The following SLC25A21 variants were observed in gnomAD, a reference collection of about 807,000 sequenced individuals.
The protein encoded by SLC25A21 is solute carrier family 25 member 21.
Under a neutral mutation model 43.8 loss-of-function variants are expected in SLC25A21, and 47 were observed. The ratio of observed to expected loss-of-function variants is 1.07; its 90% confidence interval spans 0.85 to 1.37. SLC25A21 has a LOEUF of 1.37. SLC25A21 is among the 40% of genes most tolerant of loss of function. SLC25A21 has a pLI of 0.00. For missense variants in SLC25A21, 352 were observed against 350.2 expected, an observed-to-expected ratio of 1.00 and a Z score of -0.04; for synonymous variants, 131 against 121.3, an observed-to-expected ratio of 1.08 and a Z score of -0.52.
chr14:36,680,908 T>A (rs536695644), intron 9 of SLC25A21, among the ~76,000 whole-genome samples, 189 bp from the exon 10 acceptor site: 102 of 152,310 alleles, frequency 6.7e-4, no homozygotes, highest in Non-Finnish European at 6.9e-4. Flanking sequence ...ATCAAGACCA[T>A]CTTGAGTCTC....
intron 1 of SLC25A21, among the ~76,000 whole-genome samples, chr14:37,019,010 T>C (rs756824719): frequency 3.3e-5 from 5 of 152,016 alleles, no homozygotes; most frequent in African/African-American, 7.2e-5. Flanking sequence ...TCCTCTGCAA[T>C]TGCATCCTTG....
At chr14:37,061,287 C>A (rs1961943541) in intron 1 of SLC25A21, among the ~76,000 whole-genome samples, 3 of 152,172 alleles carry the variant, frequency 2.0e-5, no homozygotes, top group Admixed American at 1.3e-4. Context: ...CAACTGGTCC[C>A]AAGCAACAGC....
chr14:37,084,075 T>A (rs1962438649), intron 1 of SLC25A21, among the ~76,000 whole-genome samples: 2 of 152,180 alleles, frequency 1.3e-5, no homozygotes, highest in African/African-American at 2.4e-5. Flanking sequence ...TTATTAACAC[T>A]GGTCTCTTTC....
At chr14:36,761,790 T>C (rs773210370) in intron 3 of SLC25A21, among the ~76,000 whole-genome samples, 6 of 152,236 alleles carry the variant, frequency 3.9e-5, no homozygotes, top group East Asian at 3.8e-4. Flanking sequence ...GATATGCATA[T>C]TGACGTATAA....
intron 3 of SLC25A21, among the ~76,000 whole-genome samples, chr14:36,789,012 GA>G (rs375936934): frequency 6.6e-6 from 1 of 151,950 alleles, no homozygotes; most frequent in Non-Finnish European, 1.5e-5. Context: ...AGATTTCCCA[GA>G]AAAAAACATA....
At chr14:37,005,377 T>A (rs1960579134) in intron 1 of SLC25A21, among the ~76,000 whole-genome samples, 1 of 152,192 alleles carries the variant, frequency 6.6e-6, no homozygotes, top group African/African-American at 2.4e-5. Context: ...GTAGCCAATG[T>A]GCCATCTTGT....
rs1885365744 is a variant in SLC25A21 at position 36,743,581 on chromosome 14, T to G, written c.204-9008A>C. ...GACACACCCACAGCCAACAGCATAC[T>G]GGATGGGGAAAAGCTGAAAGCATTT... is the stretch of plus-strand genomic sequence containing the variant. On this transcript the variant is annotated intron_variant, in intron 3 of 9. Transcript: ENST00000331299. Among the ~76,000 whole-genome samples, 3 of 151,960 alleles carry G rather than the reference T, an allele frequency of 2.0e-5. No homozygotes were observed. The South Asian group carries it at 6.2e-4, about 32-fold the overall frequency.
intron 1 of SLC25A21, among the ~76,000 whole-genome samples, chr14:37,162,723 G>T (rs1428974033): frequency 6.6e-6 from 1 of 152,206 alleles, no homozygotes; most frequent in African/African-American, 2.4e-5. Flanking sequence ...CACTGTGGAA[G>T]TCAGTGTGGC....
At chr14:36,918,099 A>G (rs1274739923) in intron 1 of SLC25A21, among the ~76,000 whole-genome samples, 1 of 152,168 alleles carries the variant, frequency 6.6e-6, no homozygotes, top group Non-Finnish European at 1.5e-5. Flanking sequence ...ATGCAGATGA[A>G]TGCTCTCTAA....
chr14:37,082,204 T>C (rs954614139), intron 1 of SLC25A21, among the ~76,000 whole-genome samples: 1 of 152,052 alleles, frequency 6.6e-6, no homozygotes, highest in Admixed American at 6.6e-5. Context: ...GACATAAATA[T>C]AGGAACAACA....
At chr14:36,933,432 G>A (rs1337432010) in intron 1 of SLC25A21, among the ~76,000 whole-genome samples, 1 of 152,074 alleles carries the variant, frequency 6.6e-6, no homozygotes, top group Non-Finnish European at 1.5e-5. Flanking sequence ...ATGCATGCCG[G>A]CTTCAACAGC....
chr14:36,847,165 T>C (rs1443265003), intron 2 of SLC25A21, among the ~76,000 whole-genome samples: 1 of 152,234 alleles, frequency 6.6e-6, no homozygotes, highest in African/African-American at 2.4e-5. Flanking sequence ...TTCTGAAACA[T>C]ATCTGTCCCC....
chr14:37,063,298 A>G lies in SLC25A21; in HGVS notation c.70+108983T>C, dbSNP rs898919121. On this transcript the variant is annotated intron_variant, in intron 1 of 9. Coordinates refer to ENST00000331299, the MANE Select transcript of SLC25A21 (RefSeq NM_030631.4). ...GTGGATCACTTGAGGTCAGGAGTTC[A>G]AGACCAGCCTGATGAACATGGTGAA... is the stretch of plus-strand genomic sequence containing the variant. Among the ~76,000 whole-genome samples, 16 of 152,166 alleles carry G rather than the reference A, an allele frequency of 1.1e-4. 1 individual carries two copies. Among genetic ancestry groups the G allele is most frequent in the Admixed American group, 9.2e-4 (14 of 15,280 alleles).
rs76085976 is a variant in SLC25A21 at position 36,729,364 on chromosome 14, T to C, written c.330+143A>G. Reference sequence around the variant, plus strand: ...GCCAAATTGTGAGTTATTAGGAAGATGGCTTTCAACAAGTAGCTGAACACT... The same window carrying C: ...GCCAAATTGTGAGTTATTAGGAAGACGGCTTTCAACAAGTAGCTGAACACT... On this transcript the variant is annotated intron_variant, in intron 5 of 9. Transcript: ENST00000331299. The C allele has an allele frequency of 7.8e-4, 464 of 593,366 alleles. 2 individuals carry two copies. The African/African-American group carries it at 8.3e-3, about 11-fold the overall frequency. 36.8% of individuals were successfully genotyped at this position (593,366 alleles called of 1,614,324 possible).
At chr14:36,897,900 G>T in intron 1 of SLC25A21, among the ~76,000 whole-genome samples, 1 of 152,260 alleles carries the variant, frequency 6.6e-6, no homozygotes. Context: ...TGGAAGTTTT[G>T]TCTCAGAGGA....
chr14:36,680,720 C>A lies in SLC25A21; in HGVS notation c.839-1G>T. The A allele has an allele frequency of 6.2e-7, 1 of 1,611,578 alleles. No homozygotes were observed. Among genetic ancestry groups the A allele is most frequent in the Non-Finnish European group, 8.5e-7 (1 of 1,179,180 alleles). On this transcript the variant is annotated splice_acceptor_variant, in intron 9 of 9. Transcript: ENST00000331299. LOFTEE classifies it high-confidence loss of function. ...TAAACCAGCAGCATCACTGCACCAC[C>A]TAGAAAAGAAAAGAGCTGTTTTTTA... is the stretch of plus-strand genomic sequence containing the variant.
At chr14:36,710,191 C>T (rs1174627415) in intron 7 of SLC25A21, among the ~76,000 whole-genome samples, 1 of 151,810 alleles carries the variant, frequency 6.6e-6, no homozygotes, top group Admixed American at 6.6e-5. Flanking sequence ...TTGAGACCAG[C>T]CTGGTCATCA....
chr14:36,737,592 C>G (rs1222538014), intron 3 of SLC25A21, among the ~76,000 whole-genome samples: 3 of 152,148 alleles, frequency 2.0e-5, no homozygotes, highest in African/African-American at 7.2e-5. Flanking sequence ...TACCGTATAT[C>G]CATGCAATAG....
chr14:37,108,778 G>A lies in SLC25A21; in HGVS notation c.70+63503C>T, dbSNP rs561995092. Among the ~76,000 whole-genome samples, 15 of 150,848 alleles carry A rather than the reference G, an allele frequency of 9.9e-5. No homozygotes were observed. In the East Asian group the frequency reaches 2.9e-3, roughly 29 times the overall value. Reference sequence around the variant, plus strand: ...TGTGCCTCAATCCCTTTGTGTTTTGGCTTTTCAGTCTGGAAATTCACAAAA... The same window carrying A: ...TGTGCCTCAATCCCTTTGTGTTTTGACTTTTCAGTCTGGAAATTCACAAAA... On this transcript the variant is annotated intron_variant, in intron 1 of 9. Transcript: ENST00000331299.
Sources: allele counts gnomAD v4.1 joint callset (sites outside exome capture counted in the v4.1 genomes callset), GRCh38; gene constraint gnomAD v4.1.1; transcripts MANE v1.5; gene names NCBI Gene and HGNC (gene_info 2026-07-23, HGNC 2026-07-21).